The following DIS3L2 variants were observed in gnomAD, a reference collection of about 807,000 sequenced individuals.
DIS3L2 encodes DIS3 like 3'-5' exoribonuclease 2.
Under a neutral mutation model 97.5 loss-of-function variants are expected in DIS3L2, and 34 were observed. The observed-to-expected ratio is 0.35, with a 90% confidence interval of 0.27 to 0.46. DIS3L2 has a LOEUF of 0.46. DIS3L2 is among the 20% of genes least tolerant of loss of function. The probability of loss-of-function intolerance (pLI) is 1.00; values close to 1 mark genes in which losing one functional copy is unlikely to be tolerated. For synonymous variants in DIS3L2, 435 were observed against 445.2 expected (o/e 0.98, Z 0.29); for missense variants, 1,038 against 1,146.0 (o/e 0.91, Z 1.36).
chr2:232,139,627 T>C (rs919762540), intron 8 of DIS3L2, among the ~76,000 whole-genome samples: 2 of 152,122 alleles, frequency 1.3e-5, no homozygotes, highest in African/African-American at 2.4e-5. Context: ...CAAAACAGAA[T>C]GTTCTAAGTT....
intron 13 of DIS3L2, 44 bp from the exon 14 acceptor site, chr2:232,299,996 A>T (rs375156573): frequency 8.3e-6 from 13 of 1,572,506 alleles, no homozygotes; most frequent in Admixed American, 3.3e-5. Flanking sequence ...GAATGAATAG[A>T]GCATGCTGCC....
At chr2:232,024,701 T>C (rs1331699930) in intron 4 of DIS3L2, among the ~76,000 whole-genome samples, 1 of 152,214 alleles carries the variant, frequency 6.6e-6, no homozygotes, top group Non-Finnish European at 1.5e-5. Context: ...CTACTTTGGA[T>C]CTACTGCATG....
chr2:232,329,801 C>A lies in DIS3L2; in HGVS notation c.1740-12C>A, dbSNP rs775511200. ...CCCCAGCGGTCCCTCCCATCCCACC[C>A]ACCCTCTGCAGGCTCGTGGAGGAGT... is the stretch of plus-strand genomic sequence containing the variant. On this transcript the variant is annotated splice_polypyrimidine_tract_variant and intron_variant, in intron 14 of 20. Transcript: ENST00000325385. 6.5e-6 allele frequency: 9 copies of A among 1,379,200 alleles called. No homozygotes were observed. In the South Asian group the frequency reaches 7.0e-5, roughly 11 times the overall value. The allele number at this position is 1,379,200 out of a possible 1,614,324, so 85.4% of individuals were successfully genotyped here. A position where few individuals can be genotyped will look rare whatever the true frequency, so the allele number is the denominator to read the frequency against.
At chr2:232,320,951 A>G (rs1695414043) in intron 14 of DIS3L2, among the ~76,000 whole-genome samples, 1 of 152,150 alleles carries the variant, frequency 6.6e-6, no homozygotes, top group Non-Finnish European at 1.5e-5. Context: ...AGGACCATGG[A>G]GCCAGGGAGG....
intron 5 of DIS3L2, among the ~76,000 whole-genome samples, chr2:232,032,682 G>A (rs1694834090): frequency 6.6e-6 from 1 of 152,052 alleles, no homozygotes; most frequent in Non-Finnish European, 1.5e-5. Context: ...TTTTGTATAA[G>A]GGGTCCAGTT....
chr2:232,334,250 C>A, intron 17 of DIS3L2, 119 bp from the exon 18 acceptor site: 1 of 1,336,276 alleles, frequency 7.5e-7, no homozygotes, highest in Non-Finnish European at 1.0e-6. Flanking sequence ...GCCCTGGGAG[C>A]TGGGTGCTTG....
intron 6 of DIS3L2, among the ~76,000 whole-genome samples, chr2:232,118,271 C>T (rs982338623): frequency 2.0e-5 from 3 of 152,276 alleles, no homozygotes; most frequent in Middle Eastern, 3.4e-3. Flanking sequence ...TCCCAGGTCC[C>T]GCCCACACTC....
intron 5 of DIS3L2, among the ~76,000 whole-genome samples, chr2:232,055,399 A>C (rs553845577): frequency 6.6e-6 from 1 of 152,360 alleles, no homozygotes; most frequent in South Asian, 2.1e-4. Context: ...CAACAAAGAA[A>C]AAATGTTACC....
chr2:232,183,121 C>T (rs971188349), intron 9 of DIS3L2, among the ~76,000 whole-genome samples: 1 of 152,136 alleles, frequency 6.6e-6, no homozygotes, highest in Admixed American at 6.5e-5. Context: ...CATGTGAGAA[C>T]ATAGTAAAAA....
At chr2:232,316,957 G>T (rs1243527691) in intron 14 of DIS3L2, among the ~76,000 whole-genome samples, 1 of 152,136 alleles carries the variant, frequency 6.6e-6, no homozygotes, top group African/African-American at 2.4e-5. Context: ...TCATTCCTTT[G>T]GGCTTTTTTC....
At position 232,336,531 on chromosome 2, in the gene DIS3L2, C is replaced by T. The variant is rs764331420; in HGVS notation, c.2559C>T (p.Tyr853=). 6 of 1,610,728 alleles carry T rather than the reference C, an allele frequency of 3.7e-6. No individual in the cohort carries two copies. In the Admixed American group the frequency reaches 1.0e-4, roughly 27 times the overall value. ...VLQAESTALK[Y]SAILKRPGTQ... ...AGGCAGAGTCCACAGCCCTCAAGTA[C>T]AGCGCCATCCTGAAGCGGCCAGGCA... The change falls in exon 21 of 21, where the codon TAC becomes TAT. Residue 853 remains tyrosine (Y), a synonymous_variant. Transcript: ENST00000325385.
At chr2:232,217,714 T>A (rs1439575862) in intron 10 of DIS3L2, among the ~76,000 whole-genome samples, 2 of 152,230 alleles carry the variant, frequency 1.3e-5, no homozygotes, top group Non-Finnish European at 2.9e-5. Context: ...GATAAACAGT[T>A]GCCTAGGGCG....
chr2:231,991,429 C>G (rs149600295), intron 1 of DIS3L2, among the ~76,000 whole-genome samples: 1 of 152,094 alleles, frequency 6.6e-6, no homozygotes, highest in East Asian at 1.9e-4. Context: ...GTGCCACCAT[C>G]TGGCTAATTT....
rs1004260785 is a variant in DIS3L2 at position 232,343,582 on chromosome 2, A to G, written c.*7A>G. ...AACCCAGTTGCAGATTTGAAGAAGC[A>G]TGTGGAATTCCTTGTGGCGGAGAAG... On this transcript the variant is annotated 3_prime_UTR_variant, in exon 14 of 14. Coordinates refer to the DIS3L2 transcript ENST00000273009. 10 of 1,575,906 alleles carry G rather than the reference A, an allele frequency of 6.3e-6. No homozygotes were observed. The African/African-American group carries it at 8.1e-5, about 13-fold the overall frequency.
chr2:232,056,751 G>A (rs1574842259), intron 5 of DIS3L2, among the ~76,000 whole-genome samples: 1 of 152,156 alleles, frequency 6.6e-6, no homozygotes, highest in African/African-American at 2.4e-5. Context: ...CTCCCTGAAG[G>A]GCTGAAATAA....
chr2:232,093,206 T>C (rs1225130118), intron 6 of DIS3L2, among the ~76,000 whole-genome samples: 2 of 152,308 alleles, frequency 1.3e-5, no homozygotes, highest in Non-Finnish European at 2.9e-5. Flanking sequence ...GGTTTGCGTA[T>C]GTTGAGCCAT....
At chr2:232,190,063 AACGCC>A in intron 9 of DIS3L2, among the ~76,000 whole-genome samples, 1 of 152,178 alleles carries the variant, frequency 6.6e-6, no homozygotes. Flanking sequence ...ACGGTGGCTC[AACGCC>A]TGTAATCTCA....
intron 12 of DIS3L2, among the ~76,000 whole-genome samples, chr2:232,252,174 G>A (rs184969594): frequency 3.5e-4 from 54 of 152,280 alleles, no homozygotes; most frequent in African/African-American, 1.2e-3. Context: ...TTGGCAGGCC[G>A]AGGCAGGTAG....
chr2:232,185,999 G>T (rs1251116231), intron 9 of DIS3L2, among the ~76,000 whole-genome samples: 2 of 152,004 alleles, frequency 1.3e-5, no homozygotes, highest in East Asian at 3.9e-4. Context: ...TTAAAACTTT[G>T]ACTTAATTTT....
Sources: gnomAD v4.1 joint callset for allele counts (sites outside exome capture counted in the v4.1 genomes callset) on GRCh38, gnomAD v4.1.1 for gene constraint, MANE v1.5 for transcripts, NCBI Gene and HGNC (gene_info 2026-07-23, HGNC 2026-07-21) for gene names.